ANKMY1: variants seen among roughly 807,000 people sequenced by gnomAD.
ANKMY1 encodes ankyrin repeat and MYND domain-containing protein 1.
ANKMY1 carries 98 observed loss-of-function variants against 102.0 expected under a neutral mutation model. The observed-to-expected ratio is 0.96, with a 90% CI of 0.82 to 1.14. The LOEUF (loss-of-function observed/expected upper bound fraction) is 1.14, where lower values mean the gene tolerates loss of function less well. Ranked by LOEUF, ANKMY1 falls within the 50% of genes most tolerant of loss-of-function variation. The probability of loss-of-function intolerance (pLI) is 0.00; values close to 1 mark genes in which losing one functional copy is unlikely to be tolerated. For missense variants in ANKMY1, 1,330 were observed against 1,347.6 expected, an observed-to-expected ratio of 0.99 and a Z score of 0.20; for synonymous variants, 582 against 559.9, an observed-to-expected ratio of 1.04 and a Z score of -0.56.
intron 9 of ANKMY1, among the ~76,000 whole-genome samples, chr2:240,516,848 A>T (rs2081299639): frequency 6.6e-6 from 1 of 152,236 alleles, no homozygotes; most frequent in South Asian, 2.1e-4. Flanking sequence ...GCAAAGCAGG[A>T]GGTGACTGCA....
downstream of ANKMY1, among the ~76,000 whole-genome samples, chr2:240,476,082 C>T (rs771673573): frequency 3.1e-4 from 47 of 152,114 alleles, no homozygotes; most frequent in Non-Finnish European, 5.9e-4. Context: ...GGATATATCA[C>T]ACATCCTGTT....
intron 13 of ANKMY1, among the ~76,000 whole-genome samples, 178 bp from the exon 14 acceptor site, chr2:240,500,743 A>G (rs910644922): frequency 6.6e-6 from 1 of 152,218 alleles, no homozygotes; most frequent in Non-Finnish European, 1.5e-5. Context: ...GCTGACCTCA[A>G]GGACAAGGAG....
Position 240,500,070 on chromosome 2 carries a change from C to A in ANKMY1, c.2694G>T (p.Glu898Asp), listed in dbSNP as rs199686135. 83 of 1,611,874 alleles carry A rather than the reference C, an allele frequency of 5.1e-5. No homozygotes were observed. The Middle Eastern group carries it at 4.1e-3, about 80-fold the overall frequency. Residue 898 changes from glutamate to aspartate, a missense_variant, in exon 15 of 18, where the codon GAG becomes GAT. By Grantham distance (45) the Glu-to-Asp change is conservative. Coordinates refer to ENST00000401804, the MANE Select transcript of ANKMY1 (RefSeq NM_001282771.3). ...GGAGCCGCTTCCGCGCCAGGAACGT[C>A]TCGCGCTCTGCTGGCATCAGCGTGT... ...PFHTLMPAER[E>D]TFLARKRLLE... is the part of the protein sequence containing the mutation.
chr2:240,486,581 T>A (rs1354540646), intron 15 of ANKMY1, among the ~76,000 whole-genome samples: 1 of 152,248 alleles, frequency 6.6e-6, no homozygotes, highest in African/African-American at 2.4e-5. Flanking sequence ...TGGAAATATG[T>A]CAATTTCACT....
At position 240,526,418 on chromosome 2, in the gene ANKMY1, G is replaced by T. The variant is rs376918674; in HGVS notation, c.981C>A (p.Asn327Lys). The T allele has an allele frequency of 6.2e-7, 1 of 1,614,180 alleles. No homozygotes were observed. Residue 327 changes from asparagine (N) to lysine (K), a missense_variant, in exon 6 of 18, where the codon AAC (asparagine) becomes AAA (lysine). Physicochemically the swap from Asn to Lys is moderately conservative, Grantham distance 94. Coordinates refer to ENST00000401804, the MANE Select transcript of ANKMY1 (RefSeq NM_001282771.3). ...GCTTCCCCTCCAGGATGGCGCCCAT[G>T]TTCCAGCTGGTGTGAGCTGGCTTGT... The part of the protein sequence containing the change: ...FRNKPAHTSW[N>K]MGAILEGKRS...
At chr2:240,531,439 T>C (rs1428878366) in intron 4 of ANKMY1, among the ~76,000 whole-genome samples, 3 of 152,354 alleles carry the variant, frequency 2.0e-5, no homozygotes, top group Non-Finnish European at 2.9e-5. Flanking sequence ...TCAACCGTTC[T>C]GGGCAGCTTT....
chr2:240,560,721 T>C, upstream of ANKMY1: 3 of 1,525,132 alleles, frequency 2.0e-6, no homozygotes, highest in Non-Finnish European at 2.6e-6. Context: ...CGGGGCCGCC[T>C]CGCCCGTACC....
chr2:240,549,896 G>A (rs1487189986), intron 4 of ANKMY1, among the ~76,000 whole-genome samples: 1 of 151,946 alleles, frequency 6.6e-6, no homozygotes. Context: ...GGAGAAACAG[G>A]AACACTTTTA....
chr2:240,484,763 C>T (rs2151870761), intron 15 of ANKMY1, among the ~76,000 whole-genome samples: 1 of 152,188 alleles, frequency 6.6e-6, no homozygotes, highest in African/African-American at 2.4e-5. Flanking sequence ...AGTGAACAGG[C>T]AACCTACAGA....
At position 240,553,072 on chromosome 2, in the gene ANKMY1, A is replaced by C. The variant is rs377533586; in HGVS notation, c.337-15T>G. On this transcript the variant is annotated splice_polypyrimidine_tract_variant and intron_variant, in intron 3 of 17. Transcript: ENST00000401804. ...CCATGGTATGACTGTGAGATGGAGA[A>C]GTTGGTGAGAAATTGCTGCTCTTCC... is the stretch of plus-strand genomic sequence containing the variant. 6.2e-7 allele frequency: 1 copy of C among 1,610,664 alleles called. No homozygotes were observed. The highest frequency in any genetic ancestry group is 1.7e-5 in the Admixed American group (1 of 59,896).
chr2:240,500,634 C>G, intron 13 of ANKMY1, 69 bp from the exon 14 acceptor site: 1 of 1,385,458 alleles, frequency 7.2e-7, no homozygotes, highest in Non-Finnish European at 1.0e-6. Context: ...GAAGCACCGC[C>G]TGAGAAGGGC....
intron 4 of ANKMY1, among the ~76,000 whole-genome samples, chr2:240,531,451 T>C (rs1308522763): frequency 6.6e-6 from 1 of 152,230 alleles, no homozygotes. Context: ...GGCAGCTTTA[T>C]TCATAGAAAC....
intron 4 of ANKMY1, among the ~76,000 whole-genome samples, chr2:240,548,248 A>G (rs2124992443): frequency 6.6e-6 from 1 of 152,356 alleles, no homozygotes; most frequent in African/African-American, 2.4e-5. Context: ...TATAAACAGA[A>G]CCAAAGACAA....
At chr2:240,469,460 G>A in the ANKMY1 span, among the ~76,000 whole-genome samples, 1 of 152,346 alleles carries the variant, frequency 6.6e-6, no homozygotes, top group African/African-American at 2.4e-5. Flanking sequence ...AGGAATTCCA[G>A]AAGCCACAGA....
rs757568228 is a variant in ANKMY1, at chr2:240,524,028, C to T, written c.1689G>A (p.Val563=). 6.2e-7 allele frequency: 1 copy of T among 1,614,018 alleles called. No homozygotes were observed. The highest frequency in any genetic ancestry group is 1.1e-5 in the South Asian group (1 of 91,088). ...AETKFESNVC[V]CDFSIELSQA... is the part of the protein sequence containing the mutation. Reference sequence around the variant, plus strand: ...GCGAGAGCTCGATGGAGAAGTCGCACACACACACGTTGGACTCAAATTTCG... The same window carrying T: ...GCGAGAGCTCGATGGAGAAGTCGCATACACACACGTTGGACTCAAATTTCG... Residue 563 remains valine (V), a synonymous_variant, in exon 8 of 18, where the codon GTG becomes GTA. Coordinates refer to ENST00000401804, the MANE Select transcript of ANKMY1 (RefSeq NM_001282771.3).
the ANKMY1 span, among the ~76,000 whole-genome samples, chr2:240,473,286 A>G: frequency 5.3e-5 from 8 of 151,836 alleles, no homozygotes; most frequent in African/African-American, 1.9e-4. Context: ...AAAAAATAAG[A>G]AAAACAAATG....
chr2:240,543,952 G>A (rs979148731), intron 4 of ANKMY1, among the ~76,000 whole-genome samples: 1 of 152,074 alleles, frequency 6.6e-6, no homozygotes, highest in Non-Finnish European at 1.5e-5. Flanking sequence ...AAAATGTAAG[G>A]TTACTAAGAA....
chr2:240,513,898 C>T (rs1370702389), intron 9 of ANKMY1, among the ~76,000 whole-genome samples: 2 of 152,238 alleles, frequency 1.3e-5, no homozygotes, highest in African/African-American at 4.8e-5. Flanking sequence ...ATGCAGGCAT[C>T]GCCTGATGTT....
the ANKMY1 span, among the ~76,000 whole-genome samples, chr2:240,473,093 C>A: frequency 6.4e-5 from 9 of 139,980 alleles, no homozygotes; most frequent in Admixed American, 6.9e-4. Flanking sequence ...CACTGTACTC[C>A]AGCCTGGGCG....
Sources: gnomAD v4.1 joint callset for allele counts (sites outside exome capture counted in the v4.1 genomes callset) on GRCh38, gnomAD v4.1.1 for gene constraint, MANE v1.5 for transcripts, NCBI Gene and HGNC (gene_info 2026-07-23, HGNC 2026-07-21) for gene names.